Variants in PRR14L observed in about 807,000 individuals in gnomAD.
PRR14L encodes protein PRR14L.
PRR14L carries 80 observed loss-of-function variants against 155.0 expected under a neutral mutation model. That is an observed-to-expected ratio of 0.52 (90% CI 0.43 to 0.62). PRR14L has a LOEUF of 0.62. PRR14L is among the 20% of genes least tolerant of loss of function. PRR14L has a pLI of 0.00. For synonymous variants in PRR14L, 883 were observed against 916.0 expected (o/e 0.96, Z 0.65); for missense variants, 2,469 against 2,548.0 (o/e 0.97, Z 0.67).
At chr22:31,730,665 A>G (rs1455029768) in intron 2 of PRR14L, among the ~76,000 whole-genome samples, 1 of 152,194 alleles carries the variant, frequency 6.6e-6, no homozygotes, top group Non-Finnish European at 1.5e-5. Context: ...TTGTAGGGAA[A>G]TACTTCGAGA....
intron 1 of PRR14L, among the ~76,000 whole-genome samples, chr22:31,741,924 T>C (rs1190012174): frequency 6.6e-6 from 1 of 152,132 alleles, no homozygotes; most frequent in African/African-American, 2.4e-5. Context: ...TCTTCCCCTT[T>C]CTCCTTTATT....
At chr22:31,740,829 G>A (rs1278226819) in intron 1 of PRR14L, among the ~76,000 whole-genome samples, 1 of 152,054 alleles carries the variant, frequency 6.6e-6, no homozygotes. Flanking sequence ...ACACAGAAAG[G>A]CGAATTAAAA....
chr22:31,689,686 C>T (rs2074500806), intron 7 of PRR14L, among the ~76,000 whole-genome samples: 1 of 152,158 alleles, frequency 6.6e-6, no homozygotes, highest in Admixed American at 6.5e-5. Flanking sequence ...CCTCCTGTCT[C>T]TGCCTCCCGT....
rs41496947 is a variant in PRR14L at position 31,715,456 on chromosome 22, C to T, written c.2383G>A (p.Val795Ile). The change falls in exon 4 of 9, where the codon GTA becomes ATA. Residue 795 changes from valine to isoleucine, a missense_variant. Around this residue, in one of 2 missense-constraint regions of PRR14L, gnomAD observed 2,363 missense variants for 2,371.6 expected, o/e 1.00. Coordinates refer to ENST00000327423, the MANE Select transcript of PRR14L (RefSeq NM_173566.3). Reference sequence around the variant, plus strand: ...GCAGAACACATGTTTTCCTGGGATACATTTTTTCTTACACGATGACAGCTA... The same window carrying T: ...GCAGAACACATGTTTTCCTGGGATATATTTTTTCTTACACGATGACAGCTA... ...ISSCHRVRKN[V>I]SQENMCSASA... The T allele has an allele frequency of 5.2e-3, 8,009 of 1,552,362 alleles. 125 individuals are homozygous for T. Among genetic ancestry groups the T allele is most frequent in the African/African-American group, 0.045 (3,285 of 73,172 alleles).
At position 31,715,892 on chromosome 22, in the gene PRR14L, T is replaced by C. The variant is rs1379782913; in HGVS notation, c.1947A>G (p.Glu649=). Residue 649 remains glutamate, a synonymous_variant, in exon 4 of 9, where the codon GAA becomes GAG. Coordinates refer to ENST00000327423, the MANE Select transcript of PRR14L (RefSeq NM_173566.3). ...NELVVNKVES[E]CVLNQQVSLN... is the part of the protein sequence containing the mutation. ...GGGACACTTGTTGATTTAAAACACA[T>C]TCACTTTCTACTTTGTTTACAACCA... is the stretch of plus-strand genomic sequence containing the variant. The C allele has an allele frequency of 1.9e-6, 3 of 1,551,524 alleles. No individual in the cohort carries two copies. The highest frequency in any genetic ancestry group is 8.7e-7 in the Non-Finnish European group (1 of 1,146,786).
rs202118938 is a variant in PRR14L, at chr22:31,715,213, T to C, written c.2626A>G (p.Met876Val). The change falls in exon 4 of 9, where the codon ATG (methionine) becomes GTG (valine). Residue 876 changes from methionine to valine, a missense_variant. Met to Val is a conservative substitution (Grantham distance 21). Around this residue, in one of 2 missense-constraint regions of PRR14L, gnomAD observed 2,363 missense variants for 2,371.6 expected, o/e 1.00. Coordinates refer to ENST00000327423, the MANE Select transcript of PRR14L (RefSeq NM_173566.3). ...SLPGDKIRNK[M>V]VAGLLNSGIS... ...CCACTATTTAACAAGCCTGCTACCA[T>C]TTTGTTTCTGATCTTATCTCCTGGA... The C allele has an allele frequency of 1.8e-4, 277 of 1,552,306 alleles. No homozygotes were observed. In the East Asian group the frequency reaches 1.9e-3, roughly 10 times the overall value.
chr22:31,731,025 T>C (rs1312610294), intron 2 of PRR14L, among the ~76,000 whole-genome samples: 1 of 152,212 alleles, frequency 6.6e-6, no homozygotes, highest in African/African-American at 2.4e-5. Context: ...AGTTGGCTGC[T>C]GTGTCCTTCT....
chr22:31,683,208 T>A lies in PRR14L; in HGVS notation c.*2319A>T, dbSNP rs1397540919. On this transcript the variant is annotated 3_prime_UTR_variant, in exon 9 of 9. Transcript: ENST00000327423. ...AAACCGCTGCTTCTGGTCCTTCGAGTGCCACACCTGTAACAGGCACAGTTG... is the reference window on the plus strand; with the variant it reads ...AAACCGCTGCTTCTGGTCCTTCGAGAGCCACACCTGTAACAGGCACAGTTG... The A allele has an allele frequency of 2.0e-5, 3 of 152,328 alleles. No individual in the cohort carries two copies. The highest frequency in any genetic ancestry group is 2.0e-4 in the Admixed American group (3 of 15,262). The allele number at this position is 152,328 out of a possible 1,614,324, so 9.4% of individuals were successfully genotyped here.
chr22:31,706,714 G>T (rs1272796393), intron 4 of PRR14L, among the ~76,000 whole-genome samples: 4 of 152,128 alleles, frequency 2.6e-5, no homozygotes, highest in Admixed American at 2.6e-4. Flanking sequence ...GAGCCACAGT[G>T]CCCGGCCTGC....
chr22:31,747,249 T>C lies in PRR14L; in HGVS notation c.-52+2744A>G, dbSNP rs138811547. On this transcript the variant is annotated intron_variant, in intron 1 of 8. Coordinates refer to ENST00000327423, the MANE Select transcript of PRR14L (RefSeq NM_173566.3). ...CCTCAGCCTTCCTAGTAGCTGGGAT[T>C]ACAGGCATGTGCCACCATGCCCACC... Among the ~76,000 whole-genome samples the C allele has an allele frequency of 1.3e-4, 19 of 151,952 alleles. No homozygotes were observed. In the East Asian group the frequency reaches 3.7e-3, roughly 29 times the overall value.
intron 4 of PRR14L, 46 bp from the exon 5 acceptor site, chr22:31,704,772 A>G (rs2074581236): frequency 2.0e-6 from 3 of 1,468,472 alleles, no homozygotes; most frequent in African/African-American, 1.4e-5. Context: ...GGGCAGTGGG[A>G]TAACAGGAAA....
chr22:31,697,538 T>C (rs1275120005), intron 7 of PRR14L, among the ~76,000 whole-genome samples: 1 of 152,104 alleles, frequency 6.6e-6, no homozygotes, highest in Admixed American at 6.6e-5. Flanking sequence ...CACTTCTCAT[T>C]AACAATATGT....
At chr22:31,701,962 C>T (rs1049679353) in intron 6 of PRR14L, among the ~76,000 whole-genome samples, 200 bp from the exon 7 acceptor site, 20 of 152,086 alleles carry the variant, frequency 1.3e-4, no homozygotes, top group Non-Finnish European at 1.3e-4. Flanking sequence ...TATAAGCCAC[C>T]GTAACTGGGA....
At position 31,712,882 on chromosome 22, in the gene PRR14L, G is replaced by A. The variant is rs1311150936; in HGVS notation, c.4957C>T (p.Arg1653Cys). The A allele has an allele frequency of 4.5e-6, 7 of 1,551,736 alleles. No individual in the cohort carries two copies. The highest frequency in any genetic ancestry group is 2.4e-5 in the East Asian group (1 of 40,928). ...ELLPMAKSYK[R>C]LRYKRLLDGF... ...TCCAGGAGTCTTTTATATCTGAGGC[G>A]CTTGTAGCTTTTAGCCATTGGAAGA... Residue 1653 changes from arginine (R) to cysteine (C), a missense_variant, in exon 4 of 9, where the codon CGC becomes TGC. Around this residue, in one of 2 missense-constraint regions of PRR14L, gnomAD observed 2,363 missense variants for 2,371.6 expected, o/e 1.00. Transcript: ENST00000327423.
intron 7 of PRR14L, among the ~76,000 whole-genome samples, chr22:31,689,113 T>C (rs924868600): frequency 6.6e-6 from 1 of 152,242 alleles, no homozygotes; most frequent in Non-Finnish European, 1.5e-5. Flanking sequence ...CTATTGGGTT[T>C]ATATTTGATA....
At chr22:31,725,388 G>A (rs2074710914) in intron 3 of PRR14L, 150 bp downstream of exon 3, 9 of 622,720 alleles carry the variant, frequency 1.4e-5, no homozygotes, top group African/African-American at 5.5e-5. Flanking sequence ...ACTAAGATAC[G>A]ATCTACAGTG....
At chr22:31,721,517 G>A (rs2074690101) in intron 3 of PRR14L, among the ~76,000 whole-genome samples, 1 of 150,616 alleles carries the variant, frequency 6.6e-6, no homozygotes, top group Non-Finnish European at 1.5e-5. Context: ...GCAGTGAGCT[G>A]AGATAGTGCC....
chr22:31,706,908 G>T (rs2074595368), intron 4 of PRR14L, among the ~76,000 whole-genome samples: 1 of 152,096 alleles, frequency 6.6e-6, no homozygotes, highest in Non-Finnish European at 1.5e-5. Flanking sequence ...AATTAGCCAG[G>T]CGTGGTGGTA....
chr22:31,703,756 G>C, intron 5 of PRR14L, 35 bp from the exon 6 acceptor site: 1 of 1,317,628 alleles, frequency 7.6e-7, no homozygotes, highest in Non-Finnish European at 1.0e-6. Flanking sequence ...TATGAGAGGG[G>C]TTCCCTTTCT....
Sources: gnomAD v4.1 joint callset for allele counts (sites outside exome capture counted in the v4.1 genomes callset) on GRCh38, gnomAD v4.1.1 for gene constraint, gnomAD v4.1.1 regional missense constraint, MANE v1.5 for transcripts, NCBI Gene and HGNC (gene_info 2026-07-23, HGNC 2026-07-21) for gene names.